VIT: variants seen among roughly 807,000 people sequenced by gnomAD.
VIT encodes the protein vitrin.
Under a neutral mutation model 78.0 loss-of-function variants are expected in VIT, and 99 were observed. That is an observed-to-expected ratio of 1.27 (90% CI 1.08 to 1.50). The LOEUF (loss-of-function observed/expected upper bound fraction) is 1.50. Ranked by LOEUF, VIT falls within the 40% of genes most tolerant of loss-of-function variation. The pLI is 0.00. For synonymous variants in VIT, 374 were observed against 334.3 expected, an observed-to-expected ratio of 1.12 and a Z score of -1.29; for missense variants, 1,126 against 875.3, an observed-to-expected ratio of 1.29 and a Z score of -3.61.
At chr2:36,697,712 T>C (rs2148396259) in intron 1 of VIT, among the ~76,000 whole-genome samples, 1 of 152,314 alleles carries the variant, frequency 6.6e-6, no homozygotes, top group East Asian at 1.9e-4. Flanking sequence ...AGGATAAGAC[T>C]GAATAATTAG....
chr2:36,762,480 A>G (rs1181239537), intron 6 of VIT, among the ~76,000 whole-genome samples: 1 of 152,182 alleles, frequency 6.6e-6, no homozygotes, highest in Non-Finnish European at 1.5e-5. Flanking sequence ...GCATTCCAAC[A>G]TAAAAGGGAT....
In VIT at chr2:36,809,990, C is replaced by CAAAAAAAAAA. The variant is rs36123287; in HGVS notation, c.1903+1014_1903+1023dup. On this transcript the variant is annotated intron_variant, in intron 15 of 15. Transcript: ENST00000379242. ...TGGGCAACAGAGCAAGATCCTGTCT[C>CAAAAAAAAAA]AAAAAAAAAAAAAAAAAAGGGCCAG... Among the ~76,000 whole-genome samples, 12 of 100,732 alleles carry CAAAAAAAAAA rather than the reference C, an allele frequency of 1.2e-4. 1 individual carries two copies. The highest frequency in any genetic ancestry group is 1.2e-3 in the East Asian group (4 of 3,378). 66.1% of individuals were successfully genotyped at this position (100,732 alleles called of 152,430 possible).
chr2:36,781,917 C>T, intron 10 of VIT, 146 bp downstream of exon 10: 1 of 961,070 alleles, frequency 1.0e-6, no homozygotes, highest in Non-Finnish European at 1.6e-6. Flanking sequence ...TTTAAGGGTC[C>T]TACAAAGGGC....
chr2:36,711,633 T>C (rs1665803195), intron 1 of VIT, among the ~76,000 whole-genome samples: 1 of 152,228 alleles, frequency 6.6e-6, no homozygotes, highest in Non-Finnish European at 1.5e-5. Flanking sequence ...CAAACGTGTA[T>C]CGTTGTGCCC....
intron 8 of VIT, 21 bp downstream of exon 8, chr2:36,773,868 T>G (rs200854300): frequency 6.3e-7 from 1 of 1,575,802 alleles, no homozygotes; most frequent in African/African-American, 1.4e-5. Flanking sequence ...AAACTCCCTT[T>G]CCAGCCACTG....
intron 12 of VIT, among the ~76,000 whole-genome samples, chr2:36,794,730 A>T (rs890821529): frequency 6.6e-6 from 1 of 152,204 alleles, no homozygotes; most frequent in Non-Finnish European, 1.5e-5. Flanking sequence ...TAATTTTAGC[A>T]ATCAGAAAGG....
At chr2:36,781,652 C>T (rs1664761781) in intron 9 of VIT, 75 bp from the exon 10 acceptor site, 1 of 1,540,288 alleles carries the variant, frequency 6.5e-7, no homozygotes, top group Non-Finnish European at 9.0e-7. Flanking sequence ...CCTTATCATC[C>T]CGGCAATTCA....
At chr2:36,783,462 C>T (rs1664897326) in intron 11 of VIT, 60 bp downstream of exon 11, 13 of 1,541,420 alleles carry the variant, frequency 8.4e-6, no homozygotes, top group Middle Eastern at 1.7e-4. Flanking sequence ...GCTCTCTCCT[C>T]TCTTCCCACT....
At chr2:36,704,436 G>T (rs1022047240) in intron 1 of VIT, among the ~76,000 whole-genome samples, 2 of 152,136 alleles carry the variant, frequency 1.3e-5, no homozygotes, top group African/African-American at 4.8e-5. Flanking sequence ...AGAGCAAAGG[G>T]ATCAATCCCG....
At chr2:36,787,306 A>T in intron 12 of VIT, 30 bp downstream of exon 12, 1 of 1,594,840 alleles carries the variant, frequency 6.3e-7, no homozygotes, top group Non-Finnish European at 8.6e-7. Context: ...TGAATCCAGA[A>T]AGGAAGTCAT....
chr2:36,755,142 C>T (rs912053294), intron 5 of VIT, 88 bp downstream of exon 5: 70 of 1,367,056 alleles, frequency 5.1e-5, no homozygotes, highest in Non-Finnish European at 6.2e-5. Flanking sequence ...TTGTTTATGG[C>T]CCACCTCATT....
intron 7 of VIT, among the ~76,000 whole-genome samples, chr2:36,773,554 A>C (rs1414752271): frequency 6.6e-6 from 1 of 152,082 alleles, no homozygotes; most frequent in East Asian, 1.9e-4. Context: ...ACATGGTGAA[A>C]CCCCATCTCT....
chr2:36,732,949 G>GT (rs534933966), intron 3 of VIT, among the ~76,000 whole-genome samples: 45 of 152,246 alleles, frequency 3.0e-4, no homozygotes, highest in African/African-American at 1.0e-3. Context: ...GGCCTGAAGG[G>GT]TAGAAAAAGC....
intron 12 of VIT, among the ~76,000 whole-genome samples, chr2:36,799,257 G>A (rs1236053432): frequency 2.0e-5 from 3 of 152,180 alleles, no homozygotes; most frequent in African/African-American, 4.8e-5. Context: ...CTCTCTCCCA[G>A]GTCCTGGTGA....
chr2:36,723,612 A>G (rs1336870070), intron 2 of VIT, among the ~76,000 whole-genome samples: 1 of 152,258 alleles, frequency 6.6e-6, no homozygotes, highest in African/African-American at 2.4e-5. Context: ...ATTAAACAAT[A>G]AATTTTAAAA....
intron 7 of VIT, among the ~76,000 whole-genome samples, chr2:36,768,828 A>G (rs906464556): frequency 1.3e-5 from 2 of 152,204 alleles, no homozygotes; most frequent in African/African-American, 4.8e-5. Context: ...CATGTAGTAC[A>G]TATATCTCAT....
At chr2:36,762,963 A>G (rs1171234374) in intron 6 of VIT, among the ~76,000 whole-genome samples, 1 of 152,222 alleles carries the variant, frequency 6.6e-6, no homozygotes, top group East Asian at 1.9e-4. Flanking sequence ...CTTTTTGGCT[A>G]GAGCCTTGAG....
At chr2:36,781,865 G>A (rs1386026023) in intron 10 of VIT, 94 bp downstream of exon 10, 11 of 1,470,792 alleles carry the variant, frequency 7.5e-6, no homozygotes, top group Non-Finnish European at 9.5e-6. Flanking sequence ...CATAGCGGCC[G>A]AGCTCCACTA....
intron 2 of VIT, among the ~76,000 whole-genome samples, chr2:36,720,744 C>T (rs1198612751): frequency 6.6e-6 from 1 of 152,194 alleles, no homozygotes; most frequent in Non-Finnish European, 1.5e-5. Flanking sequence ...AGTAGTGGCT[C>T]ATGCCTGTAA....
Sources: gnomAD v4.1 joint callset for allele counts (sites outside exome capture counted in the v4.1 genomes callset) on GRCh38, gnomAD v4.1.1 for gene constraint, MANE v1.5 for transcripts, NCBI Gene and HGNC (gene_info 2026-07-23, HGNC 2026-07-21) for gene names.